ERC2: variants seen among roughly 807,000 people sequenced by gnomAD.
ERC2 encodes the protein ERC protein 2.
A neutral mutation model predicts 114.8 loss-of-function variants in ERC2; 42 were observed. The ratio of observed to expected loss-of-function variants is 0.37; its 90% CI spans 0.29 to 0.47. ERC2 has a LOEUF of 0.47. Ranked by LOEUF, ERC2 falls within the 20% of genes least tolerant of loss-of-function variation. ERC2 has a pLI of 0.99. For synonymous variants in ERC2, 454 were observed against 425.5 expected (o/e 1.07, Z -0.82); for missense variants, 939 against 1,150.7 (o/e 0.82, Z 2.66).
chr3:55,924,466 G>C (rs2065633749), intron 13 of ERC2, among the ~76,000 whole-genome samples: 1 of 152,128 alleles, frequency 6.6e-6, no homozygotes, highest in Non-Finnish European at 1.5e-5. Context: ...CTTCAGTCCA[G>C]ATCTCTGTAG....
chr3:55,626,034 G>GA (rs1021009974), intron 17 of ERC2, among the ~76,000 whole-genome samples: 19 of 152,272 alleles, frequency 1.2e-4, no homozygotes, highest in African/African-American at 4.6e-4. Context: ...TTTGGTTCCT[G>GA]AAAAATGTTT....
chr3:55,818,878 T>G (rs1304606675), intron 14 of ERC2, among the ~76,000 whole-genome samples: 1 of 152,236 alleles, frequency 6.6e-6, no homozygotes, highest in African/African-American at 2.4e-5. Context: ...GGAAAGCATT[T>G]CAGAGTTAAT....
intron 3 of ERC2, among the ~76,000 whole-genome samples, chr3:56,192,459 CAGA>C (rs940747358): frequency 2.6e-5 from 4 of 152,110 alleles, no homozygotes; most frequent in African/African-American, 9.7e-5. Context: ...GATAGTGTTC[CAGA>C]AGAAGTTTAA....
At chr3:55,767,475 T>C (rs1444331324) in intron 14 of ERC2, among the ~76,000 whole-genome samples, 1 of 152,200 alleles carries the variant, frequency 6.6e-6, no homozygotes, top group Non-Finnish European at 1.5e-5. Flanking sequence ...AACCCCTCTG[T>C]GGACAGACGC....
intron 13 of ERC2, among the ~76,000 whole-genome samples, chr3:55,927,473 G>A (rs1263825687): frequency 3.9e-5 from 6 of 152,190 alleles, no homozygotes; most frequent in African/African-American, 1.4e-4. Flanking sequence ...TTTTGTGGGT[G>A]CACAGATGTA....
intron 11 of ERC2, among the ~76,000 whole-genome samples, 160 bp from the exon 12 acceptor site, chr3:55,986,148 T>C (rs961486064): frequency 1.1e-4 from 16 of 152,334 alleles, no homozygotes; most frequent in African/African-American, 3.8e-4. Flanking sequence ...ACTTTTATCT[T>C]ATATTACCCC....
intron 13 of ERC2, among the ~76,000 whole-genome samples, chr3:55,903,583 A>G (rs988337070): frequency 1.3e-5 from 2 of 152,270 alleles, no homozygotes; most frequent in Non-Finnish European, 2.9e-5. Context: ...TTCAAGAGGA[A>G]AAACAGCCTC....
intron 14 of ERC2, among the ~76,000 whole-genome samples, chr3:55,741,463 C>T (rs2148940280): frequency 6.6e-6 from 1 of 152,024 alleles, no homozygotes; most frequent in Non-Finnish European, 1.5e-5. Context: ...CATTATTTTC[C>T]CCAATGAAAG....
At chr3:56,273,531 C>G (rs1161172596) in intron 3 of ERC2, among the ~76,000 whole-genome samples, 1 of 152,118 alleles carries the variant, frequency 6.6e-6, no homozygotes, top group African/African-American at 2.4e-5. Flanking sequence ...AGTAGTCAGC[C>G]ACCACACCCG....
intron 10 of ERC2, among the ~76,000 whole-genome samples, chr3:56,000,912 A>T (rs1278202166): frequency 1.3e-5 from 2 of 151,672 alleles, no homozygotes; most frequent in Admixed American, 1.3e-4. Flanking sequence ...AAAAAAAGTG[A>T]TGGGGGAAGA....
chr3:56,103,713 C>A (rs2078483329), intron 6 of ERC2, among the ~76,000 whole-genome samples: 1 of 151,942 alleles, frequency 6.6e-6, no homozygotes, highest in African/African-American at 2.4e-5. Flanking sequence ...TTGAGAAAAT[C>A]TGAAATAATT....
chr3:56,375,677 T>C (rs1262698160), intron 2 of ERC2, among the ~76,000 whole-genome samples: 3 of 152,166 alleles, frequency 2.0e-5, no homozygotes, highest in Non-Finnish European at 4.4e-5. Context: ...TTAAGGGTGC[T>C]GTGTTAGGCA....
intron 12 of ERC2, among the ~76,000 whole-genome samples, chr3:55,964,584 A>T (rs1444763669): frequency 1.3e-5 from 2 of 152,154 alleles, no homozygotes; most frequent in African/African-American, 4.8e-5. Flanking sequence ...ACCAGCACTG[A>T]ATTAGGTTTC....
At chr3:55,581,624 C>T (rs370569940) in intron 17 of ERC2, among the ~76,000 whole-genome samples, 1 of 152,244 alleles carries the variant, frequency 6.6e-6, no homozygotes, top group East Asian at 1.9e-4. Context: ...CCTTATACCT[C>T]CAATTCATGG....
intron 17 of ERC2, among the ~76,000 whole-genome samples, chr3:55,572,415 C>G (rs1021924045): frequency 6.6e-6 from 1 of 152,154 alleles, no homozygotes; most frequent in South Asian, 2.1e-4. Context: ...TCATCTCCCA[C>G]GAGCACCCAT....
intron 1 of ERC2, among the ~76,000 whole-genome samples, chr3:56,451,448 A>G (rs2062824450): frequency 6.6e-6 from 1 of 152,236 alleles, no homozygotes; most frequent in African/African-American, 2.4e-5. Context: ...GCATTCATCT[A>G]TGTATTCTGG....
At chr3:56,104,708 A>C (rs1217059631) in intron 6 of ERC2, among the ~76,000 whole-genome samples, 1 of 151,688 alleles carries the variant, frequency 6.6e-6, no homozygotes, top group Non-Finnish European at 1.5e-5. Context: ...CAGCTGTACC[A>C]TGTCTTAAAA....
rs1283720378 is a variant in ERC2, at chr3:56,224,736, A to G, written c.1075-51216T>C. On this transcript the variant is annotated intron_variant, in intron 3 of 17. Transcript: ENST00000288221. ...CAAACCAAACATGCATGTATTCTAC[A>G]TACAGACAACTGCACATTATTCTCT... is the stretch of plus-strand genomic sequence containing the variant. 2.0e-5 allele frequency among the ~76,000 whole-genome samples: 3 copies of G among 152,212 alleles called. No individual in the cohort carries two copies. In the East Asian group the frequency reaches 5.8e-4, roughly 29 times the overall value.
At chr3:55,786,314 C>A (rs1039709443) in intron 14 of ERC2, among the ~76,000 whole-genome samples, 16 of 152,126 alleles carry the variant, frequency 1.1e-4, no homozygotes, top group Non-Finnish European at 2.2e-4. Flanking sequence ...AATCTAATGC[C>A]ATGGAAATTA....
Sources: gnomAD v4.1 joint callset for allele counts (sites outside exome capture counted in the v4.1 genomes callset) on GRCh38, gnomAD v4.1.1 for gene constraint, MANE v1.5 for transcripts, NCBI Gene and HGNC (gene_info 2026-07-23, HGNC 2026-07-21) for gene names.